The following VRK1 variants were observed in gnomAD, a reference collection of about 807,000 sequenced individuals.
VRK1 encodes the protein VRK serine/threonine kinase 1.
Under a neutral mutation model 57.1 loss-of-function variants are expected in VRK1, and 33 were observed. The observed-to-expected ratio is 0.58, with a 90% CI of 0.44 to 0.77. The LOEUF (loss-of-function observed/expected upper bound fraction) is 0.77, where lower values mean the gene tolerates loss of function less well. Ranked by LOEUF, VRK1 falls within the 30% of genes least tolerant of loss-of-function variation. The pLI is 0.00. For synonymous variants in VRK1, 137 were observed against 147.8 expected (o/e 0.93, Z 0.53); for missense variants, 413 against 477.3 (o/e 0.87, Z 1.25).
rs1028167235 is a variant in VRK1 at position 96,833,602 on chromosome 14, G to A, written c.131G>A (p.Gly44Asp). The A allele has an allele frequency of 6.2e-7, 1 of 1,613,750 alleles. No homozygotes were observed. Among genetic ancestry groups the A allele is most frequent in the Non-Finnish European group, 8.5e-7 (1 of 1,179,706 alleles). ...KKEWKVGLPI[G>D]QGGFGCIYLA... ...GAATGGAAAGTAGGATTACCCATTG[G>A]CCAAGGAGGCTTTGGCTGTATATAT... The change falls in exon 2 of 13, where the codon GGC (glycine) becomes GAC (aspartate). Residue 44 changes from glycine (G) to aspartate (D), a missense_variant. Physicochemically the swap from Gly to Asp is moderately conservative, Grantham distance 94. This residue lies in a region of VRK1 where 116 missense variants were observed against 113.6 expected (regional missense o/e 1.02). Coordinates refer to ENST00000216639, the MANE Select transcript of VRK1 (RefSeq NM_003384.3).
intron 3 of VRK1, among the ~76,000 whole-genome samples, chr14:96,842,601 A>G (rs1887509577): frequency 6.6e-6 from 1 of 152,232 alleles, no homozygotes; most frequent in South Asian, 2.1e-4. Flanking sequence ...TAGAGAAAAA[A>G]CTTGCAAATG....
rs562266615 is a variant in VRK1 at position 96,845,138 on chromosome 14, A to G, written c.217-957A>G. 5.3e-5 allele frequency among the ~76,000 whole-genome samples: 8 copies of G among 152,280 alleles called. 1 individual carries two copies. In the South Asian group the frequency reaches 1.4e-3, roughly 28 times the overall value. ...AAATAATTTTTTTCTCATACCTCCT[A>G]AAAAGAAAAGCAACCCTAAAATTAG... On this transcript the variant is annotated intron_variant, in intron 3 of 12. Coordinates refer to ENST00000216639, the MANE Select transcript of VRK1 (RefSeq NM_003384.3).
rs529316522 is a variant in VRK1, at chr14:96,867,607, T to G, written c.1068+6872T>G. Among the ~76,000 whole-genome samples the G allele has an allele frequency of 2.0e-5, 3 of 152,240 alleles. No individual in the cohort carries two copies. In the East Asian group the frequency reaches 5.8e-4, roughly 29 times the overall value. ...TTGAACAATTTATTTTCTGTGTATG[T>G]GAGGCTTTCCTTTCCTTTCCTTCTC... On this transcript the variant is annotated intron_variant, in intron 11 of 12. Transcript: ENST00000216639.
At chr14:96,833,658 C>A in intron 2 of VRK1, 27 bp downstream of exon 2, 1 of 1,612,978 alleles carries the variant, frequency 6.2e-7, no homozygotes, top group South Asian at 1.1e-5. Flanking sequence ...TTCTAATGAT[C>A]AATCCAAAGA....
chr14:96,800,182 G>A (rs374167654), intron 1 of VRK1, among the ~76,000 whole-genome samples: 3 of 152,188 alleles, frequency 2.0e-5, no homozygotes, highest in African/African-American at 7.2e-5. Context: ...AAATTCCTGT[G>A]AATATATTTC....
intron 1 of VRK1, among the ~76,000 whole-genome samples, chr14:96,808,691 C>A (rs1289961674): frequency 1.4e-5 from 2 of 143,980 alleles, no homozygotes; most frequent in African/African-American, 5.1e-5. Flanking sequence ...ACTTCTTTTA[C>A]TCGATGTTGT....
intron 3 of VRK1, among the ~76,000 whole-genome samples, chr14:96,843,301 G>T (rs965352886): frequency 1.1e-4 from 17 of 152,200 alleles, no homozygotes; most frequent in African/African-American, 3.6e-4. Flanking sequence ...GTCAGTAGCA[G>T]AACTAGAGGC....
chr14:96,816,233 C>T (rs1180770727), intron 1 of VRK1, among the ~76,000 whole-genome samples: 1 of 152,156 alleles, frequency 6.6e-6, no homozygotes, highest in Non-Finnish European at 1.5e-5. Flanking sequence ...CATAAGCGGT[C>T]TCACAGAATA....
chr14:96,828,847 C>T (rs1566693906), intron 1 of VRK1, among the ~76,000 whole-genome samples: 4 of 152,036 alleles, frequency 2.6e-5, no homozygotes, highest in Admixed American at 2.6e-4. Context: ...CTGAAGCAGG[C>T]CCTAAGGATT....
At chr14:96,839,454 A>T (rs908301015) in intron 3 of VRK1, among the ~76,000 whole-genome samples, 1 of 152,052 alleles carries the variant, frequency 6.6e-6, no homozygotes, top group African/African-American at 2.4e-5. Context: ...GCCCTTGTAC[A>T]CATTGGCCAA....
At chr14:96,857,520 A>G (rs796152846) in intron 10 of VRK1, among the ~76,000 whole-genome samples, 57 of 152,174 alleles carry the variant, frequency 3.7e-4, no homozygotes, top group African/African-American at 1.3e-3. Context: ...TGAGGTTTGT[A>G]GTAGAAGAGT....
At chr14:96,816,093 A>T (rs1364360201) in intron 1 of VRK1, among the ~76,000 whole-genome samples, 1 of 152,008 alleles carries the variant, frequency 6.6e-6, no homozygotes, top group East Asian at 1.9e-4. Flanking sequence ...AAGCTCCAAG[A>T]CTAGTAGGGT....
chr14:96,870,415 G>C (rs11160371), intron 11 of VRK1, among the ~76,000 whole-genome samples: 22,880 of 152,086 alleles, frequency 0.15, 3,338 homozygotes, highest in East Asian at 0.84. Flanking sequence ...AAAAGTTTTC[G>C]ACCTTAATGG....
chr14:96,839,408 A>G (rs1194617664), intron 3 of VRK1, among the ~76,000 whole-genome samples: 2 of 152,174 alleles, frequency 1.3e-5, no homozygotes, highest in Non-Finnish European at 2.9e-5. Flanking sequence ...ATTTAAACTT[A>G]TAAGAAAGTA....
At chr14:96,823,039 T>G (rs143011044) in intron 1 of VRK1, among the ~76,000 whole-genome samples, 8 of 152,206 alleles carry the variant, frequency 5.3e-5, no homozygotes, top group Non-Finnish European at 1.2e-4. Flanking sequence ...CTCAACTCCT[T>G]CAAGTCCTTG....
chr14:96,858,740 T>C (rs894134226), intron 10 of VRK1, among the ~76,000 whole-genome samples: 2 of 152,226 alleles, frequency 1.3e-5, no homozygotes, highest in African/African-American at 4.8e-5. Context: ...TCAATTGTCC[T>C]TTTTGCCTGT....
intron 1 of VRK1, among the ~76,000 whole-genome samples, chr14:96,825,303 G>A (rs1419923622): frequency 6.6e-6 from 1 of 152,162 alleles, no homozygotes; most frequent in African/African-American, 2.4e-5. Context: ...GCTTAGGAAG[G>A]GGAATTAGAG....
intron 1 of VRK1, among the ~76,000 whole-genome samples, chr14:96,799,074 C>T (rs1885554202): frequency 6.6e-6 from 1 of 152,114 alleles, no homozygotes; most frequent in Non-Finnish European, 1.5e-5. Context: ...TTTTATAGTG[C>T]AATGTCTTCT....
rs1026542494 is a variant in VRK1 at position 96,873,184 on chromosome 14, G to A, written c.1069-2846G>A. On this transcript the variant is annotated intron_variant, in intron 11 of 12. Transcript: ENST00000216639. ...GGTGATCTTTTGATGCTTGACTTGG[G>A]AAGCAAAGAATTGGTCTTTGGTTTT... Among the ~76,000 whole-genome samples the A allele has an allele frequency of 6.6e-5, 10 of 152,110 alleles. 1 individual carries two copies.
Sources: allele counts gnomAD v4.1 joint callset (sites outside exome capture counted in the v4.1 genomes callset), GRCh38; gene constraint gnomAD v4.1.1; regional missense constraint gnomAD v4.1.1; transcripts MANE v1.5; gene names NCBI Gene and HGNC (gene_info 2026-07-23, HGNC 2026-07-21).